The following LSG1 variants were observed in gnomAD, a reference collection of about 807,000 sequenced individuals.
The protein encoded by LSG1 is large 60S subunit nuclear export GTPase 1.
Under a neutral mutation model 82.6 loss-of-function variants are expected in LSG1, and 55 were observed. The observed-to-expected ratio is 0.67, with a 90% confidence interval of 0.54 to 0.83. The LOEUF (loss-of-function observed/expected upper bound fraction) is 0.83. LSG1 is among the 40% of genes least tolerant of loss of function. The pLI is 0.00. For synonymous variants in LSG1, 272 were observed against 282.5 expected (o/e 0.96, Z 0.37); for missense variants, 809 against 807.9 (o/e 1.00, Z -0.02).
Position 194,653,076 on chromosome 3 carries a change from C to G in LSG1, c.826G>C (p.Ala276Pro), listed in dbSNP as rs1193837591. ...TCGGATTCACTGTGGGAAATTTCAG[C>G]CTGGTCGAAACTGGAATGTCCAAAC... ...TKFGHSSFDQ[A>P]EISHSESEHL... is the part of the protein sequence containing the mutation. The change falls in exon 8 of 14, where the codon GCT becomes CCT. Residue 276 changes from alanine (A) to proline (P), a missense_variant. Physicochemically the swap from Ala to Pro is conservative, Grantham distance 27. Coordinates refer to ENST00000265245, the MANE Select transcript of LSG1 (RefSeq NM_018385.3). The G allele has an allele frequency of 1.9e-6, 3 of 1,614,072 alleles. No individual in the cohort carries two copies. In the African/African-American group the frequency reaches 4.0e-5, roughly 22 times the overall value.
Position 194,666,502 on chromosome 3 carries a change from T to G in LSG1, c.297A>C (p.Arg99Ser). The G allele has an allele frequency of 2.5e-6, 4 of 1,614,064 alleles. No individual in the cohort carries two copies. The highest frequency in any genetic ancestry group is 3.4e-6 in the Non-Finnish European group (4 of 1,179,924). The change falls in exon 3 of 14, where the codon AGA (arginine) becomes AGC (serine). Residue 99 changes from arginine to serine, a missense_variant. Coordinates refer to ENST00000265245, the MANE Select transcript of LSG1 (RefSeq NM_018385.3). ...TGTTTTCTTCATGGAGCTTCTTAAT[T>G]CTCTGGCTCTCCTCGAAAGACAGTA... Reference protein sequence around the residue: ...TGLLSFEESQRIKKLHEENKQ... With the variant: ...TGLLSFEESQSIKKLHEENKQ...
At chr3:194,663,350 C>CAGAAACCCTTTCCCTTCTTCCGCCTCAG in intron 5 of LSG1, among the ~76,000 whole-genome samples, 1 of 151,776 alleles carries the variant, frequency 6.6e-6, no homozygotes, top group East Asian at 2.0e-4. Flanking sequence ...CCCAAATCAG[C>CAGAAACCCTTTCCCTTCTTCCGCCTCAG]AGAAACCCTT....
intron 13 of LSG1, among the ~76,000 whole-genome samples, chr3:194,643,899 C>G (rs1718451139): frequency 2.0e-5 from 3 of 152,100 alleles, no homozygotes; most frequent in African/African-American, 7.2e-5. Flanking sequence ...CAGGCTACAA[C>G]ATGGATGAAT....
Position 194,641,988 on chromosome 3 carries a change from G to C in LSG1, c.*80C>G. 6.7e-7 allele frequency: 1 copy of C among 1,488,458 alleles called. No individual in the cohort carries two copies. The highest frequency in any genetic ancestry group is 1.3e-5 in the South Asian group (1 of 78,880). The allele number at this position is 1,488,458 out of a possible 1,614,324, so 92.2% of individuals were successfully genotyped here. ...CCCGTTCTACAGTGCTAGTGTCTTGGGACGGTTCCACAGGCAACAGGCAGC... is the reference window on the plus strand; with the variant it reads ...CCCGTTCTACAGTGCTAGTGTCTTGCGACGGTTCCACAGGCAACAGGCAGC... On this transcript the variant is annotated 3_prime_UTR_variant, in exon 14 of 14. Transcript: ENST00000265245.
Position 194,653,343 on chromosome 3 carries a change from C to T in LSG1, c.760-201G>A, listed in dbSNP as rs918507878. Among the ~76,000 whole-genome samples the T allele has an allele frequency of 7.2e-5, 11 of 151,888 alleles. No homozygotes were observed. The East Asian group carries it at 1.5e-3, about 21-fold the overall frequency. ...CACGCTGACCAACATGGTGAAACCC[C>T]GCCTCTACTAAAAATACAAAAATTA... On this transcript the variant is annotated intron_variant, in intron 7 of 13. Transcript: ENST00000265245.
chr3:194,649,521 CAA>C (rs558856677), intron 10 of LSG1, among the ~76,000 whole-genome samples: 6,205 of 121,558 alleles, frequency 0.051, 456 homozygotes, highest in African/African-American at 0.17. Flanking sequence ...CCATCTCTAC[CAA>C]AAAAAAAAAA....
chr3:194,643,799 CG>C (rs1393177566), intron 13 of LSG1, among the ~76,000 whole-genome samples: 1 of 152,186 alleles, frequency 6.6e-6, no homozygotes, highest in Admixed American at 6.5e-5. Flanking sequence ...ACAACCCAAA[CG>C]TCCCTCAAAT....
intron 10 of LSG1, among the ~76,000 whole-genome samples, chr3:194,650,201 G>A (rs1488088890): frequency 6.6e-6 from 1 of 152,212 alleles, no homozygotes; most frequent in Non-Finnish European, 1.5e-5. Flanking sequence ...TTACAGGCAT[G>A]AACCACCACA....
At chr3:194,667,943 ATATATATATAT>A (rs1182004844) in intron 2 of LSG1, among the ~76,000 whole-genome samples, 6 of 62,254 alleles carry the variant, frequency 9.6e-5, no homozygotes, top group African/African-American at 2.9e-4. Flanking sequence ...AAAAAAAAAA[ATATATATATAT>A]ATATATATAT....
chr3:194,656,915 G>A (rs1051382111), intron 7 of LSG1, among the ~76,000 whole-genome samples: 8 of 151,844 alleles, frequency 5.3e-5, no homozygotes, highest in Admixed American at 2.0e-4. Flanking sequence ...ACCAAACACC[G>A]CATATTCTCA....
chr3:194,671,807 C>A, intron 1 of LSG1: 1 of 522,526 alleles, frequency 1.9e-6, no homozygotes, highest in South Asian at 2.5e-5. Flanking sequence ...GTACTCAAGA[C>A]CTGGCATTGA....
intron 2 of LSG1, among the ~76,000 whole-genome samples, chr3:194,668,556 G>A (rs1719079008): frequency 6.6e-6 from 1 of 152,068 alleles, no homozygotes; most frequent in African/African-American, 2.4e-5. Flanking sequence ...TCTCCATCAA[G>A]TCTGGTTTAC....
At chr3:194,666,644 A>C in intron 2 of LSG1, 72 bp from the exon 3 acceptor site, 3 of 1,261,520 alleles carry the variant, frequency 2.4e-6, no homozygotes, top group Non-Finnish European at 3.3e-6. Context: ...ATACTGATAA[A>C]CTGAGAAAAC....
Position 194,645,535 on chromosome 3 carries a change from G to GACACACACACACACACAGACACAC in LSG1, c.1623+628_1623+629insGTGTGTCTGTGTGTGTGTGTGTGT, listed in dbSNP as rs1718514130. 8.6e-5 allele frequency: 3 copies of GACACACACACACACACAGACACAC among 34,996 alleles called. 1 individual carries two copies. Among genetic ancestry groups the GACACACACACACACACAGACACAC allele is most frequent in the African/African-American group, 2.9e-4 (3 of 10,454 alleles). 2.2% of individuals were successfully genotyped at this position (34,996 alleles called of 1,614,324 possible). ...ACACACACACACACACACACAGACA[G>GACACACACACACACACAGACACAC]ACACACACACACACACACACACACA... On this transcript the variant is annotated intron_variant, in intron 12 of 13. Transcript: ENST00000265245.
Position 194,665,652 on chromosome 3 carries a change from T to C in LSG1, c.435-9A>G. 6.4e-7 allele frequency: 1 copy of C among 1,569,808 alleles called. No individual in the cohort carries two copies. Among genetic ancestry groups the C allele is most frequent in the Non-Finnish European group, 8.7e-7 (1 of 1,144,176 alleles). On this transcript the variant is annotated splice_polypyrimidine_tract_variant and intron_variant, in intron 4 of 13. Coordinates refer to ENST00000265245, the MANE Select transcript of LSG1 (RefSeq NM_018385.3). ...TCTGTTCCTCTTCTAGCCTAGTTTTTGAATGAGAAGTTTATATATTTGCCA... is the reference window on the plus strand; with the variant it reads ...TCTGTTCCTCTTCTAGCCTAGTTTTCGAATGAGAAGTTTATATATTTGCCA...
At chr3:194,659,279 T>C in intron 6 of LSG1, 146 bp from the exon 7 acceptor site, 3 of 598,954 alleles carry the variant, frequency 5.0e-6, no homozygotes, top group East Asian at 2.9e-5. Context: ...TGACACATTA[T>C]ACTAATCCTT....
chr3:194,671,960 G>T, intron 1 of LSG1, 104 bp downstream of exon 1: 1 of 1,038,474 alleles, frequency 9.6e-7, no homozygotes, highest in South Asian at 1.3e-5. Flanking sequence ...TTCAAAACCC[G>T]GCTGAGGCGT....
chr3:194,672,008 T>C, intron 1 of LSG1, 56 bp downstream of exon 1: 1 of 1,526,332 alleles, frequency 6.6e-7, no homozygotes, highest in Non-Finnish European at 9.0e-7. Context: ...GACCCCGAAT[T>C]TTGCAGCACT....
chr3:194,658,946 C>G lies in LSG1; in HGVS notation c.759+11G>C. Reference sequence around the variant, plus strand: ...TCTTTGAAAGCCAACCTAAAATGTCCCTCAGGTTACCTCAGAGTCACCATT... The same window carrying G: ...TCTTTGAAAGCCAACCTAAAATGTCGCTCAGGTTACCTCAGAGTCACCATT... On this transcript the variant is annotated intron_variant, in intron 7 of 13. Transcript: ENST00000265245. The G allele has an allele frequency of 6.3e-7, 1 of 1,596,164 alleles. No homozygotes were observed.
Sources: allele counts gnomAD v4.1 joint callset (sites outside exome capture counted in the v4.1 genomes callset), GRCh38; gene constraint gnomAD v4.1.1; transcripts MANE v1.5; gene names NCBI Gene and HGNC (gene_info 2026-07-23, HGNC 2026-07-21).